ZXDC: variants seen among roughly 807,000 people sequenced by gnomAD.
ZXDC encodes the protein zinc finger protein ZXDC.
Under a neutral mutation model 63.6 loss-of-function variants are expected in ZXDC, and 58 were observed. That is an observed-to-expected ratio of 0.91 (90% CI 0.74 to 1.13). The LOEUF is 1.13. Ranked by LOEUF, ZXDC falls within the 50% of genes most tolerant of loss-of-function variation. The pLI is 0.00. For missense variants in ZXDC, 1,133 were observed against 1,148.9 expected (o/e 0.99, Z 0.20); for synonymous variants, 561 against 496.1 (o/e 1.13, Z -1.74).
At chr3:126,459,547 A>C (rs1043803) in intron 7 of ZXDC, 106 bp downstream of exon 7, 941,675 of 1,561,252 alleles carry the variant, frequency 0.6, 290,866 homozygotes, top group Non-Finnish European at 0.64. Flanking sequence ...TGAACAGAAA[A>C]GTAAAACCAA....
intron 5 of ZXDC, among the ~76,000 whole-genome samples, chr3:126,465,627 G>C (rs954023601): frequency 6.6e-6 from 1 of 152,214 alleles, no homozygotes; most frequent in African/African-American, 2.4e-5. Flanking sequence ...AGTCAACAAA[G>C]TGAAACATTC....
chr3:126,441,713 G>A (rs750351944), intron 8 of ZXDC, 52 bp downstream of exon 8: 83 of 1,516,282 alleles, frequency 5.5e-5, no homozygotes, highest in African/African-American at 1.2e-4. Flanking sequence ...TCAGACCTGC[G>A]TGACCCTCCC....
chr3:126,454,014 G>C, intron 7 of ZXDC: 1 of 808,280 alleles, frequency 1.2e-6, no homozygotes, highest in Non-Finnish European at 1.5e-6. Context: ...TATATAAGCA[G>C]TACTATATAT....
intron 6 of ZXDC, chr3:126,461,321 C>G (rs1033520375): frequency 5.1e-6 from 7 of 1,368,458 alleles, no homozygotes; most frequent in Non-Finnish European, 6.6e-6. Flanking sequence ...GCCAAATCTC[C>G]TTATGCAGGA....
intron 7 of ZXDC, among the ~76,000 whole-genome samples, chr3:126,458,306 G>A (rs1346172949): frequency 2.7e-5 from 4 of 149,956 alleles, no homozygotes; most frequent in East Asian, 2.0e-4. Flanking sequence ...GCACAATCTC[G>A]GCTCACTGCA....
chr3:126,450,275 G>A (rs778581018), intron 7 of ZXDC: 4 of 452,228 alleles, frequency 8.8e-6, no homozygotes, highest in South Asian at 4.7e-5. Flanking sequence ...TGTGGAGGGA[G>A]CCACGAGGGA....
chr3:126,440,348 GA>G, intron 8 of ZXDC: 7 of 986,636 alleles, frequency 7.1e-6, no homozygotes, highest in Non-Finnish European at 8.4e-6. Context: ...TTCTGTTTGA[GA>G]AGCTCCTGTG....
At chr3:126,452,744 CT>C (rs34131353) in intron 7 of ZXDC, among the ~76,000 whole-genome samples, 235 of 143,120 alleles carry the variant, frequency 1.6e-3, no homozygotes, top group Non-Finnish European at 1.5e-3. Context: ...TGCAGTTTTT[CT>C]TTTTTTTTTT....
chr3:126,453,519 C>A, intron 7 of ZXDC: 1 of 985,456 alleles, frequency 1.0e-6, no homozygotes, highest in African/African-American at 1.7e-5. Flanking sequence ...TTGGCTTACA[C>A]ATCAAGTGTT....
intron 7 of ZXDC, among the ~76,000 whole-genome samples, chr3:126,444,326 A>T (rs1276947667): frequency 1.3e-5 from 2 of 152,180 alleles, no homozygotes; most frequent in Non-Finnish European, 1.5e-5. Flanking sequence ...AGGTCAGGAG[A>T]TCGAGACCAT....
rs1044815643 is a variant in ZXDC at position 126,438,027 on chromosome 3, C to T, written c.*348G>A. 6 of 299,974 alleles carry T rather than the reference C, an allele frequency of 2.0e-5. No individual in the cohort carries two copies. Among genetic ancestry groups the T allele is most frequent in the South Asian group, 3.4e-5 (1 of 29,730 alleles). The allele number at this position is 299,974 out of a possible 1,614,324, so 18.6% of individuals were successfully genotyped here. A position where few individuals can be genotyped will look rare whatever the true frequency, so the allele number is the denominator to read the frequency against. The stretch of plus-strand genomic sequence containing the variant: ...ATCTGACTAGACAGCCTGTTCTCTA[C>T]CCTATTTCCTGCAGAAGTCTTTTTC... On this transcript the variant is annotated 3_prime_UTR_variant, in exon 10 of 10. Coordinates refer to ENST00000389709, the MANE Select transcript of ZXDC (RefSeq NM_025112.5).
intron 7 of ZXDC, among the ~76,000 whole-genome samples, chr3:126,448,982 A>G (rs1463350216): frequency 6.6e-6 from 1 of 152,188 alleles, no homozygotes. Context: ...ACGGGGCAGC[A>G]CGCAGGCAGG....
In ZXDC at chr3:126,466,283, T is replaced by C; in HGVS notation, c.1313A>G (p.His438Arg). Reference protein sequence around the residue: ...RFSARSSLYIHSKKHVQDVGA... With the variant: ...RFSARSSLYIRSKKHVQDVGA... Reference sequence around the variant, plus strand: ...CACATCCTGCACGTGTTTCTTAGAGTGAATGTACAGACTGCTACGAGCGGA... The same window carrying C: ...CACATCCTGCACGTGTTTCTTAGAGCGAATGTACAGACTGCTACGAGCGGA... Residue 438 changes from histidine to arginine, a missense_variant, in exon 5 of 10, where the codon CAC (histidine) becomes CGC (arginine). His to Arg is a conservative substitution (Grantham distance 29). Transcript: ENST00000389709. 6.2e-7 allele frequency: 1 copy of C among 1,613,740 alleles called. No individual in the cohort carries two copies. Among genetic ancestry groups the C allele is most frequent in the Non-Finnish European group, 8.5e-7 (1 of 1,179,956 alleles).
chr3:126,459,732 A>T lies in ZXDC; in HGVS notation c.2133T>A (p.Ser711Arg). 1 of 1,614,026 alleles carries T rather than the reference A, an allele frequency of 6.2e-7. No homozygotes were observed. The highest frequency in any genetic ancestry group is 8.5e-7 in the Non-Finnish European group (1 of 1,179,994). Residue 711 changes from serine to arginine, a missense_variant, in exon 7 of 10, where the codon AGT (serine) becomes AGA (arginine). By Grantham distance (110) the Ser-to-Arg change is moderately radical. Coordinates refer to ENST00000389709, the MANE Select transcript of ZXDC (RefSeq NM_025112.5). ...SAGTGNFYLE[S>R]GGSARTDYRA... is the part of the protein sequence containing the mutation. The stretch of plus-strand genomic sequence containing the variant: ...GGTAATCAGTTCTTGCTGAGCCCCC[A>T]CTTTCCTGAGACCAAAGAAAAGCAT...
intron 7 of ZXDC, chr3:126,457,284 C>T: frequency 5.1e-6 from 5 of 985,368 alleles, no homozygotes; most frequent in African/African-American, 1.7e-5. Context: ...AAGGCATCCC[C>T]GCCAGAGGAT....
At position 126,462,094 on chromosome 3, in the gene ZXDC, C is replaced by G. The variant is rs1295789852; in HGVS notation, c.1568G>C (p.Ser523Thr). 1 of 1,614,122 alleles carries G rather than the reference C, an allele frequency of 6.2e-7. No individual in the cohort carries two copies. The highest frequency in any genetic ancestry group is 2.2e-5 in the East Asian group (1 of 44,864). Residue 523 changes from serine (S) to threonine (T), a missense_variant, in exon 6 of 10, where the codon AGT (serine) becomes ACT (threonine). Physicochemically the swap from Ser to Thr is moderately conservative, Grantham distance 58 (BLOSUM62 1). Transcript: ENST00000389709. The part of the protein sequence containing the change: ...ALFSDTPANA[S>T]GSAGGSDEAL... The stretch of plus-strand genomic sequence containing the variant: ...CTCATCCGACCCACCTGCAGAACCA[C>G]TAGCATTGGCAGGTGTGTCAGAGAA...
chr3:126,456,473 C>A (rs1326141937), intron 7 of ZXDC, among the ~76,000 whole-genome samples: 2 of 152,358 alleles, frequency 1.3e-5, no homozygotes, highest in East Asian at 3.9e-4. Context: ...AGGTGGGCTT[C>A]CCTGGGGGGC....
At chr3:126,466,097 A>ATTGTT in intron 5 of ZXDC, 58 bp downstream of exon 5, 2 of 1,561,654 alleles carry the variant, frequency 1.3e-6, no homozygotes, top group East Asian at 4.5e-5. Context: ...CGGCACTGGC[A>ATTGTT]CTGTTCCCGT....
chr3:126,474,873 T>C, intron 1 of ZXDC, 86 bp downstream of exon 1: 1 of 1,428,774 alleles, frequency 7.0e-7, no homozygotes, highest in Non-Finnish European at 9.3e-7. Context: ...TGCTAAGGTC[T>C]GGCAGGCCCC....
Sources: allele counts gnomAD v4.1 joint callset (sites outside exome capture counted in the v4.1 genomes callset), GRCh38; gene constraint gnomAD v4.1.1; transcripts MANE v1.5; gene names NCBI Gene and HGNC (gene_info 2026-07-23, HGNC 2026-07-21).